Variants in ARHGEF11 observed in about 807,000 individuals in gnomAD.
ARHGEF11 encodes the protein Rho guanine nucleotide exchange factor 11.
In ARHGEF11, 55 loss-of-function variants were observed where a neutral mutation model predicts 193.7. The ratio of observed to expected loss-of-function variants is 0.28; its 90% CI spans 0.23 to 0.36. ARHGEF11 has a LOEUF of 0.36. Ranked by LOEUF, ARHGEF11 falls within the 10% of genes least tolerant of loss-of-function variation. The probability of loss-of-function intolerance (pLI) is 1.00; values close to 1 mark genes in which losing one functional copy is unlikely to be tolerated. For missense variants in ARHGEF11, 1,723 were observed against 2,005.6 expected (o/e 0.86, Z 2.69); for synonymous variants, 693 against 768.0 (o/e 0.90, Z 1.62).
intron 22 of ARHGEF11, among the ~76,000 whole-genome samples, chr1:156,950,141 G>A (rs953004145): frequency 1.4e-4 from 21 of 152,094 alleles, no homozygotes; most frequent in African/African-American, 4.1e-4. Context: ...CATAATTTGC[G>A]TATTTAACTT....
intron 4 of ARHGEF11, among the ~76,000 whole-genome samples, chr1:156,979,553 A>G (rs1292651155): frequency 1.3e-5 from 2 of 151,904 alleles, no homozygotes; most frequent in East Asian, 1.9e-4. Flanking sequence ...TTTAGGAGAG[A>G]TGGGGTTTCA....
In ARHGEF11 at chr1:156,938,441, A is replaced by C. The variant is rs1301599656; in HGVS notation, c.4169T>G (p.Val1390Gly). 3.7e-6 allele frequency: 6 copies of C among 1,613,648 alleles called. 1 individual carries two copies. The African/African-American group carries it at 5.3e-5, about 14-fold the overall frequency. ...ACCCGTAGCCTTTGTTCCGCCTTCC[A>C]CTTCAGGTGGCCCAGGCTCTGACTG... ...SGQSEPGPPE[V>G]EGGTKATGNC... Residue 1390 changes from valine to glycine, a missense_variant, in exon 38 of 41, where the codon GTG (valine) becomes GGG (glycine). By Grantham distance (109) the Val-to-Gly change is moderately radical. Around this residue, in one of 5 missense-constraint regions of ARHGEF11, gnomAD observed 360 missense variants for 344.4 expected, o/e 1.05. Transcript: ENST00000368194.
At chr1:156,950,292 C>G (rs1009924227) in intron 22 of ARHGEF11, among the ~76,000 whole-genome samples, 1 of 151,972 alleles carries the variant, frequency 6.6e-6, no homozygotes, top group Non-Finnish European at 1.5e-5. Flanking sequence ...AAAGGAGTAA[C>G]CTGCATTCAA....
intron 4 of ARHGEF11, among the ~76,000 whole-genome samples, 198 bp from the exon 5 acceptor site, chr1:156,979,484 C>A (rs781701079): frequency 6.6e-6 from 1 of 151,496 alleles, no homozygotes; most frequent in Non-Finnish European, 1.5e-5. Context: ...CCTGCCTCAG[C>A]CTCCTGAGTA....
chr1:156,993,505 T>C (rs903617048), intron 1 of ARHGEF11, among the ~76,000 whole-genome samples: 1 of 152,054 alleles, frequency 6.6e-6, no homozygotes, highest in African/African-American at 2.4e-5. Flanking sequence ...TTTTCCTGAG[T>C]CTGGGGCAAA....
chr1:156,963,883 C>T, intron 11 of ARHGEF11: 1 of 727,270 alleles, frequency 1.4e-6, no homozygotes, highest in Non-Finnish European at 1.9e-6. Flanking sequence ...TGCAAAAGAT[C>T]TGGGGTGGGA....
At chr1:156,968,575 C>G (rs1662050637) in intron 10 of ARHGEF11, among the ~76,000 whole-genome samples, 1 of 152,208 alleles carries the variant, frequency 6.6e-6, no homozygotes, top group Admixed American at 6.5e-5. Context: ...TATATTTCAC[C>G]ATTTTCCCAT....
At chr1:156,976,277 C>T (rs1033747418) in intron 7 of ARHGEF11, among the ~76,000 whole-genome samples, 3 of 152,136 alleles carry the variant, frequency 2.0e-5, no homozygotes, top group African/African-American at 7.2e-5. Context: ...CTCTTCAAGG[C>T]CCAGCTGAAA....
chr1:156,964,703 T>TGA (rs1377838527), intron 11 of ARHGEF11, among the ~76,000 whole-genome samples: 8 of 152,138 alleles, frequency 5.3e-5, no homozygotes, highest in African/African-American at 1.7e-4. Context: ...CCAGACAGAC[T>TGA]GACTGGTGTG....
At chr1:156,967,926 C>T (rs1185455757) in intron 11 of ARHGEF11, 61 bp downstream of exon 11, 5 of 1,610,704 alleles carry the variant, frequency 3.1e-6, no homozygotes, top group Non-Finnish European at 4.2e-6. Flanking sequence ...TGGTAACACC[C>T]ATGCCTCCAA....
At chr1:156,936,493 A>ATATATATATAT (rs1481502478) in intron 40 of ARHGEF11, among the ~76,000 whole-genome samples, 2 of 62,400 alleles carry the variant, frequency 3.2e-5, no homozygotes, top group South Asian at 7.4e-4. Context: ...AAAAAAAAAA[A>ATATATATATAT]AAAAATATAT....
chr1:156,993,662 G>T lies in ARHGEF11; in HGVS notation c.33-7489C>A, dbSNP rs544209439. On this transcript the variant is annotated intron_variant, in intron 1 of 40. Transcript: ENST00000368194. ...ACTGGTTGGTTTCCCTTATCTCCCA[G>T]GGTGGAGTTTTCAGCAGGCTCCTGG... 5.3e-5 allele frequency among the ~76,000 whole-genome samples: 8 copies of T among 152,258 alleles called. 1 individual carries two copies. Among genetic ancestry groups the T allele is most frequent in the African/African-American group, 1.7e-4 (7 of 41,558 alleles).
intron 37 of ARHGEF11, 23 bp downstream of exon 37, chr1:156,939,525 C>T: frequency 6.2e-7 from 1 of 1,606,568 alleles, no homozygotes; most frequent in South Asian, 1.1e-5. Context: ...TGTCTCCCCA[C>T]TGGACACTCC....
chr1:157,031,873 G>T (rs143951228), intron 1 of ARHGEF11, among the ~76,000 whole-genome samples: 1 of 152,158 alleles, frequency 6.6e-6, no homozygotes, highest in Non-Finnish European at 1.5e-5. Flanking sequence ...CAGTAACCAC[G>T]TGTTAAGAGC....
Position 156,948,226 on chromosome 1 carries a change from G to A in ARHGEF11, c.2108C>T (p.Ser703Phe). The change falls in exon 24 of 41, where the codon TCT becomes TTT. Residue 703 changes from serine to phenylalanine, a missense_variant and splice_region_variant. Transcript: ENST00000368194. This position sits in a 1 kb window ranked among gnomAD's most constrained non-coding sequence, Gnocchi z 4.2. The part of the protein sequence containing the change: ...SSSTSSLSTR[S>F]LENPTPPFTP... ...GAATGGAGGGGTTGGGTTCTCAAGAGACCTGTGGAGGGAATGTCAACTCTC... is the reference window on the plus strand; with the variant it reads ...GAATGGAGGGGTTGGGTTCTCAAGAAACCTGTGGAGGGAATGTCAACTCTC... 6.3e-7 allele frequency: 1 copy of A among 1,589,470 alleles called. No individual in the cohort carries two copies. The highest frequency in any genetic ancestry group is 2.2e-5 in the East Asian group (1 of 44,494).
chr1:157,035,773 CAGGAATATATATATAT>C (rs71593871), intron 1 of ARHGEF11, among the ~76,000 whole-genome samples: 7,682 of 127,676 alleles, frequency 0.06, 526 homozygotes, highest in Non-Finnish European at 0.08. Flanking sequence ...TATATATATA[CAGGAATATATATATAT>C]AGGAATATAT....
At chr1:157,013,845 G>A (rs190041505) in intron 1 of ARHGEF11, among the ~76,000 whole-genome samples, 4 of 152,288 alleles carry the variant, frequency 2.6e-5, no homozygotes. Context: ...CGTCCTCTCA[G>A]CTTCTCTTCC....
At chr1:156,942,591 T>G in intron 33 of ARHGEF11, 99 bp downstream of exon 33, 1 of 1,089,702 alleles carries the variant, frequency 9.2e-7, no homozygotes, top group Non-Finnish European at 1.4e-6. Context: ...AGGGACTGCT[T>G]TGGGGCCCAA....
At chr1:156,953,968 T>C (rs905649697) in intron 21 of ARHGEF11, among the ~76,000 whole-genome samples, 2 of 152,174 alleles carry the variant, frequency 1.3e-5, no homozygotes, top group African/African-American at 4.8e-5. Flanking sequence ...CTGAAGGGCT[T>C]AAGTAGATGA....
Sources: gnomAD v4.1 joint callset for allele counts (sites outside exome capture counted in the v4.1 genomes callset) on GRCh38, gnomAD v4.1.1 for gene constraint, gnomAD v4.1.1 regional missense constraint, Gnocchi (gnomAD v3.1) non-coding constraint, MANE v1.5 for transcripts, NCBI Gene and HGNC (gene_info 2026-07-23, HGNC 2026-07-21) for gene names.